SP140L: variants seen among roughly 807,000 people sequenced by gnomAD.
SP140L encodes the protein SP140 like nuclear body protein, also known as nuclear body protein SP140-like protein.
SP140L carries 64 observed loss-of-function variants against 84.3 expected under a neutral mutation model. The ratio of observed to expected loss-of-function variants is 0.76; its 90% confidence interval spans 0.62 to 0.94. The LOEUF is 0.94. Among genes scored for constraint, SP140L ranks in the 40% least tolerant of loss-of-function variants. The pLI is 0.00. For missense variants in SP140L, 628 were observed against 692.5 expected (o/e 0.91, Z 1.05); for synonymous variants, 242 against 236.9 (o/e 1.02, Z -0.20).
chr2:230,376,185 T>C (rs377158545), intron 7 of SP140L, among the ~76,000 whole-genome samples: 4 of 152,188 alleles, frequency 2.6e-5, no homozygotes, highest in African/African-American at 9.7e-5. Flanking sequence ...TTATTTATTC[T>C]TGGCACCCTT....
intron 2 of SP140L, among the ~76,000 whole-genome samples, chr2:230,351,494 T>C (rs1246537383): frequency 6.6e-6 from 1 of 152,256 alleles, no homozygotes. Context: ...CCCTTTGTCA[T>C]ACATATTGAG....
chr2:230,376,871 A>G (rs1008581396), intron 7 of SP140L, among the ~76,000 whole-genome samples: 3 of 152,212 alleles, frequency 2.0e-5, no homozygotes, highest in Non-Finnish European at 4.4e-5. Flanking sequence ...AAACACACAT[A>G]AACCAATGGA....
chr2:230,373,683 C>G (rs1399292106), intron 7 of SP140L, among the ~76,000 whole-genome samples: 2 of 152,178 alleles, frequency 1.3e-5, no homozygotes, highest in East Asian at 1.9e-4. Flanking sequence ...TATTTCCATG[C>G]CTGCTAACAC....
At chr2:230,339,888 C>T (rs1432056476) in intron 2 of SP140L, among the ~76,000 whole-genome samples, 2 of 149,022 alleles carry the variant, frequency 1.3e-5, no homozygotes, top group African/African-American at 2.5e-5. Flanking sequence ...TGTTCTTTTA[C>T]ATTTGCTGAG....
In SP140L at chr2:230,392,206, T is replaced by C. The variant is rs769714933; in HGVS notation, c.1084T>C (p.Trp362Arg). Residue 362 changes from tryptophan to arginine, a missense_variant, in exon 12 of 19, where the codon TGG becomes CGG. Physicochemically the swap from Trp to Arg is moderately radical, Grantham distance 101. Around this residue, in one of 4 missense-constraint regions of SP140L, gnomAD observed 525 missense variants for 518.4 expected, o/e 1.01. Coordinates refer to ENST00000415673, the MANE Select transcript of SP140L (RefSeq NM_138402.6). ...GAGGCTGAGTGTGCGCTGTGGCGGG[T>C]GGCCCCTACGACGGCTGATGGAGGT... ...NWRLSVRCGG[W>R]PLRRLMEEGS... The C allele has an allele frequency of 1.2e-6, 2 of 1,602,216 alleles. No individual in the cohort carries two copies. The highest frequency in any genetic ancestry group is 1.7e-6 in the Non-Finnish European group (2 of 1,174,700).
rs2062416533 is a variant in SP140L, at chr2:230,402,828, C to T, written c.1675C>T (p.Leu559=). 2 of 1,612,432 alleles carry T rather than the reference C, an allele frequency of 1.2e-6. No individual in the cohort carries two copies. The highest frequency in any genetic ancestry group is 1.3e-5 in the African/African-American group (1 of 74,796). ...YKDFGQMGLR[L]EAEFEKDFKE... ...GGATTTTGGCCAAATGGGACTTAGA[C>T]TGGAGGCTGAATTTGAGAAGGATTT... The change falls in exon 19 of 19, where the codon CTG becomes TTG. Residue 559 remains leucine, a synonymous_variant. Coordinates refer to ENST00000415673, the MANE Select transcript of SP140L (RefSeq NM_138402.6).
rs576106786 is a variant in SP140L at position 230,393,352 on chromosome 2, A to G, written c.1108-62A>G. The G allele has an allele frequency of 5.8e-5, 88 of 1,520,528 alleles. No individual in the cohort carries two copies. The South Asian group carries it at 1.1e-3, about 19-fold the overall frequency. 94.2% of individuals were successfully genotyped at this position (1,520,528 alleles called of 1,614,324 possible). A position where few individuals can be genotyped will look rare whatever the true frequency, so the allele number is the denominator to read the frequency against. On this transcript the variant is annotated intron_variant, in intron 12 of 18. Transcript: ENST00000415673. ...AGAAGTATTTGGGAAGAGGTTGGAAATGCCAGACTCACAAAACAGAAACGC... is the reference window on the plus strand; with the variant it reads ...AGAAGTATTTGGGAAGAGGTTGGAAGTGCCAGACTCACAAAACAGAAACGC...
intron 7 of SP140L, among the ~76,000 whole-genome samples, chr2:230,382,939 GA>G (rs1441765421): frequency 3.3e-5 from 5 of 152,234 alleles, no homozygotes; most frequent in Non-Finnish European, 7.3e-5. Context: ...TCAGGACACT[GA>G]TGAGTTTCTG....
intron 2 of SP140L, among the ~76,000 whole-genome samples, chr2:230,352,812 G>GTA (rs149575060): frequency 0.04 from 5,864 of 148,166 alleles, 384 homozygotes; most frequent in African/African-American, 0.13. Context: ...GTGTATGTGT[G>GTA]TATATATATA....
chr2:230,335,457 G>A (rs527461729), intron 2 of SP140L, among the ~76,000 whole-genome samples: 24 of 152,296 alleles, frequency 1.6e-4, no homozygotes, highest in Non-Finnish European at 3.4e-4. Context: ...CCTAAGAAGC[G>A]TCTGGAAGCA....
At chr2:230,335,184 T>C (rs1469367934) in intron 2 of SP140L, among the ~76,000 whole-genome samples, 4 of 152,162 alleles carry the variant, frequency 2.6e-5, no homozygotes, top group Admixed American at 6.5e-5. Flanking sequence ...AAATCTTGCT[T>C]AACATTTTTA....
At chr2:230,328,971 A>G in intron 2 of SP140L, 140 bp downstream of exon 2, 1 of 1,332,966 alleles carries the variant, frequency 7.5e-7, no homozygotes, top group East Asian at 2.6e-5. Flanking sequence ...GATTCAGTTG[A>G]GGTGTTTGTC....
chr2:230,369,077 T>C (rs1474401892), intron 5 of SP140L, among the ~76,000 whole-genome samples: 4 of 152,252 alleles, frequency 2.6e-5, no homozygotes, highest in South Asian at 2.1e-4. Context: ...TAAGGACTTA[T>C]TTCAGCCTCT....
In SP140L at chr2:230,375,248, T is replaced by C. The variant is rs1030584874; in HGVS notation, c.637+3597T>C. 5.9e-5 allele frequency among the ~76,000 whole-genome samples: 9 copies of C among 152,320 alleles called. No individual in the cohort carries two copies. In the East Asian group the frequency reaches 1.7e-3, roughly 29 times the overall value. ...TTGATTTGAAACATGATTTTATATATATTTTCCAATATACACAGATCTGTG... is the reference window on the plus strand; with the variant it reads ...TTGATTTGAAACATGATTTTATATACATTTTCCAATATACACAGATCTGTG... On this transcript the variant is annotated intron_variant, in intron 7 of 18. Coordinates refer to ENST00000415673, the MANE Select transcript of SP140L (RefSeq NM_138402.6).
At chr2:230,379,214 T>C (rs1327192292) in intron 7 of SP140L, among the ~76,000 whole-genome samples, 1 of 152,204 alleles carries the variant, frequency 6.6e-6, no homozygotes, top group Non-Finnish European at 1.5e-5. Flanking sequence ...TTTGTTTTCA[T>C]TTATTATGAT....
rs367871968 is a variant in SP140L at position 230,359,099 on chromosome 2, G to A, written c.406G>A (p.Asp136Asn). The stretch of plus-strand genomic sequence containing the variant: ...CGAGGTCAACATGCAGGAATACCCC[G>A]ATTTAATTCACATTTATAAAAGCTT... ...FSEVNMQEYPDLIHIYKSFKN... is the reference protein window; with the variant it reads ...FSEVNMQEYPNLIHIYKSFKN... Residue 136 changes from aspartate to asparagine, a missense_variant, in exon 4 of 19, where the codon GAT becomes AAT. Around this residue, in one of 4 missense-constraint regions of SP140L, gnomAD observed 525 missense variants for 518.4 expected, o/e 1.01. Coordinates refer to ENST00000415673, the MANE Select transcript of SP140L (RefSeq NM_138402.6). The A allele has an allele frequency of 4.3e-5, 69 of 1,606,104 alleles. No homozygotes were observed. Among genetic ancestry groups the A allele is most frequent in the Admixed American group, 1.9e-4 (11 of 56,934 alleles).
chr2:230,327,418 T>A, intron 1 of SP140L, 117 bp downstream of exon 1: 1 of 1,172,346 alleles, frequency 8.5e-7, no homozygotes, highest in Non-Finnish European at 1.2e-6. Flanking sequence ...AGAACATAGG[T>A]AGGTAGTGTA....
chr2:230,331,575 T>C (rs2059725341), intron 2 of SP140L, among the ~76,000 whole-genome samples: 1 of 152,226 alleles, frequency 6.6e-6, no homozygotes, highest in Non-Finnish European at 1.5e-5. Flanking sequence ...ACTAAATGAA[T>C]AGATAAATCT....
chr2:230,383,420 T>C (rs775002233), intron 7 of SP140L, 90 bp from the exon 8 acceptor site: 7 of 1,385,178 alleles, frequency 5.1e-6, no homozygotes, highest in Non-Finnish European at 6.8e-6. Flanking sequence ...GACCAAAGTA[T>C]GAAAAAATCT....
Sources: gnomAD v4.1 joint callset for allele counts (sites outside exome capture counted in the v4.1 genomes callset) on GRCh38, gnomAD v4.1.1 for gene constraint, gnomAD v4.1.1 regional missense constraint, MANE v1.5 for transcripts, NCBI Gene and HGNC (gene_info 2026-07-23, HGNC 2026-07-21) for gene names.